MGAT4C: variants seen among roughly 807,000 people sequenced by gnomAD.
MGAT4C encodes the protein alpha-1,3-mannosyl-glycoprotein 4-beta-N-acetylglucosaminyltransferase C.
In MGAT4C, 19 loss-of-function variants were observed where a neutral mutation model predicts 40.1. That is an observed-to-expected ratio of 0.47 (90% CI 0.33 to 0.70). MGAT4C has a LOEUF of 0.70. MGAT4C is among the 30% of genes least tolerant of loss of function. The pLI is 0.02. For synonymous variants in MGAT4C, 181 were observed against 187.1 expected, an observed-to-expected ratio of 0.97 and a Z score of 0.27; for missense variants, 491 against 563.2, an observed-to-expected ratio of 0.87 and a Z score of 1.30.
At chr12:86,690,343 T>C (rs1179447944) in intron 2 of MGAT4C, among the ~76,000 whole-genome samples, 4 of 152,134 alleles carry the variant, frequency 2.6e-5, no homozygotes, top group Admixed American at 6.5e-5. Flanking sequence ...TCACTGGCAA[T>C]CCAGGCACCA....
intron 3 of MGAT4C, among the ~76,000 whole-genome samples, chr12:86,420,126 C>A: frequency 6.6e-6 from 1 of 151,068 alleles, no homozygotes; most frequent in Non-Finnish European, 1.5e-5. Context: ...ACTCATAATC[C>A]CAGCACTTTG....
intron 1 of MGAT4C, among the ~76,000 whole-genome samples, chr12:86,251,839 T>A (rs1051100268): frequency 1.3e-5 from 2 of 152,024 alleles, no homozygotes; most frequent in African/African-American, 4.8e-5. Flanking sequence ...TATGCTCAGT[T>A]CCATGCCACT....
chr12:86,300,072 T>C (rs1191655024), intron 4 of MGAT4C, among the ~76,000 whole-genome samples: 1 of 152,232 alleles, frequency 6.6e-6, no homozygotes, highest in Non-Finnish European at 1.5e-5. Context: ...ACATGTTTTC[T>C]TCTTTTCTGG....
At chr12:86,094,149 A>C (rs1196800144) in intron 1 of MGAT4C, among the ~76,000 whole-genome samples, 1 of 152,130 alleles carries the variant, frequency 6.6e-6, no homozygotes, top group Non-Finnish European at 1.5e-5. Context: ...TATTGTGTGA[A>C]TCATGGAAGG....
At chr12:86,801,078 T>C (rs1230857389) in intron 1 of MGAT4C, among the ~76,000 whole-genome samples, 4 of 151,950 alleles carry the variant, frequency 2.6e-5, no homozygotes, top group Non-Finnish European at 4.4e-5. Context: ...TCTCATTCAC[T>C]GACTTTATGG....
chr12:86,242,809 A>G (rs947561014), intron 1 of MGAT4C, among the ~76,000 whole-genome samples: 1 of 152,128 alleles, frequency 6.6e-6, no homozygotes, highest in Non-Finnish European at 1.5e-5. Context: ...ACACACATGT[A>G]CACATACAAC....
In MGAT4C at chr12:86,725,452, T is replaced by TTCTTG. The variant is rs1555223225; in HGVS notation, c.-229+1756_-229+1757insCAAGA. The stretch of plus-strand genomic sequence containing the variant: ...GCTAAAACATCAGCGCCCCCTGACA[T>TTCTTG]TTTTGTTTTGTTTTGTTTTTTTGGT... On this transcript the variant is annotated intron_variant, in intron 2 of 7. Coordinates refer to the MGAT4C transcript ENST00000548651. Among the ~76,000 whole-genome samples the TTCTTG allele has an allele frequency of 4.0e-5, 6 of 150,368 alleles. No individual in the cohort carries two copies. In the East Asian group the frequency reaches 8.0e-4, roughly 20 times the overall value.
chr12:86,658,846 G>A (rs1443698876), intron 2 of MGAT4C, among the ~76,000 whole-genome samples: 1 of 152,014 alleles, frequency 6.6e-6, no homozygotes, highest in African/African-American at 2.4e-5. Context: ...TGATGCAAAG[G>A]CACTTGTGTT....
intron 2 of MGAT4C, among the ~76,000 whole-genome samples, chr12:86,487,972 T>A (rs191204433): frequency 6.6e-6 from 1 of 152,318 alleles, no homozygotes. Context: ...CATTTAGGAA[T>A]AAAACCAGGA....
rs141039366 is a variant in MGAT4C at position 86,593,043 on chromosome 12, C to G, written c.-229+134166G>C. ...TTTTCACTTTGAAGCTATCTTTTGC[C>G]TTGTCTTCCTTTAATTCTCAACATT... On this transcript the variant is annotated intron_variant, in intron 2 of 7. Coordinates refer to the MGAT4C transcript ENST00000548651. 6.6e-3 allele frequency among the ~76,000 whole-genome samples: 997 copies of G among 151,794 alleles called. 12 individuals carry two copies. Among genetic ancestry groups the G allele is most frequent in the East Asian group, 0.037 (190 of 5,170 alleles).
chr12:86,764,658 T>C (rs1951470810), intron 1 of MGAT4C, among the ~76,000 whole-genome samples: 1 of 151,560 alleles, frequency 6.6e-6, no homozygotes. Flanking sequence ...GGTACTCCTC[T>C]GAGACAAAAC....
intron 1 of MGAT4C, among the ~76,000 whole-genome samples, chr12:86,064,375 G>A (rs141518796): frequency 7.9e-5 from 12 of 152,022 alleles, no homozygotes; most frequent in East Asian, 3.9e-4. Flanking sequence ...GCGAGACTAC[G>A]TCTCAAAAAA....
rs190851384 is a variant in MGAT4C, at chr12:86,019,283, G to A, written c.-6-29731C>T. On this transcript the variant is annotated intron_variant, in intron 2 of 4. Transcript: ENST00000611864. Reference sequence around the variant, plus strand: ...TCATGAGGTAGGTAAGAATATATTCGTGATTATTCTTACACTATAAATACA... The same window carrying A: ...TCATGAGGTAGGTAAGAATATATTCATGATTATTCTTACACTATAAATACA... Among the ~76,000 whole-genome samples the A allele has an allele frequency of 1.1e-4, 16 of 152,178 alleles. No homozygotes were observed. The East Asian group carries it at 2.7e-3, about 26-fold the overall frequency.
intron 1 of MGAT4C, among the ~76,000 whole-genome samples, chr12:86,737,424 T>C (rs1014303076): frequency 6.6e-6 from 1 of 150,836 alleles, no homozygotes; most frequent in African/African-American, 2.4e-5. Flanking sequence ...TGACTACTTT[T>C]CCTCAGTCTA....
At chr12:86,497,606 C>T (rs1425355021) in intron 2 of MGAT4C, among the ~76,000 whole-genome samples, 2 of 151,692 alleles carry the variant, frequency 1.3e-5, no homozygotes, top group Non-Finnish European at 2.9e-5. Context: ...TGTCAGGGCA[C>T]TCTCAGAGTA....
Position 86,443,205 on chromosome 12 carries a change from T to TACACACACAC in MGAT4C, c.-228-7950_-228-7941dup, listed in dbSNP as rs199586329. ...ATATATGTGTGTGTGTGTATATATATACACACACACACACACATATATACA... is the reference window on the plus strand; with the variant it reads ...ATATATGTGTGTGTGTGTATATATATACACACACACACACACACACACACACATATATACA... On this transcript the variant is annotated intron_variant, in intron 2 of 7. Transcript: ENST00000548651. Among the ~76,000 whole-genome samples, 420 of 150,412 alleles carry TACACACACAC rather than the reference T, an allele frequency of 2.8e-3. 1 individual carries two copies. The highest frequency in any genetic ancestry group is 9.8e-3 in the African/African-American group (404 of 41,050).
intron 4 of MGAT4C, among the ~76,000 whole-genome samples, chr12:86,291,899 A>G (rs568781101): frequency 6.6e-6 from 1 of 152,346 alleles, no homozygotes; most frequent in South Asian, 2.1e-4. Flanking sequence ...AGGGTAGACT[A>G]TAACAAAGAC....
intron 2 of MGAT4C, among the ~76,000 whole-genome samples, chr12:86,652,382 C>T (rs1963720018): frequency 6.6e-6 from 1 of 151,816 alleles, no homozygotes; most frequent in Non-Finnish European, 1.5e-5. Flanking sequence ...GCATTTAGCT[C>T]ATGAACGATT....
At chr12:86,603,665 A>C (rs1234758002) in intron 2 of MGAT4C, among the ~76,000 whole-genome samples, 4 of 128,154 alleles carry the variant, frequency 3.1e-5, no homozygotes, top group Non-Finnish European at 6.3e-5. Context: ...AGTCTATATT[A>C]TATATAGTAT....
Sources: gnomAD v4.1 joint callset for allele counts (sites outside exome capture counted in the v4.1 genomes callset) on GRCh38, gnomAD v4.1.1 for gene constraint, MANE v1.5 for transcripts, NCBI Gene and HGNC (gene_info 2026-07-23, HGNC 2026-07-21) for gene names.